DOCK1: variants seen among roughly 807,000 people sequenced by gnomAD.
DOCK1 encodes dedicator of cytokinesis protein 1.
A neutral mutation model predicts 262.7 loss-of-function variants in DOCK1; 138 were observed. That is an observed-to-expected ratio of 0.53 (90% CI 0.46 to 0.61). DOCK1 has a LOEUF of 0.61. Among genes scored for constraint, DOCK1 ranks in the 20% least tolerant of loss-of-function variants. The pLI, the probability that DOCK1 is intolerant of heterozygous loss-of-function variation, is 0.00. For missense variants in DOCK1, 1,908 were observed against 2,370.7 expected (o/e 0.80, Z 4.05); for synonymous variants, 866 against 867.4 (o/e 1.00, Z 0.03).
chr10:127,434,229 A>T (rs1295307602), intron 48 of DOCK1, among the ~76,000 whole-genome samples: 1 of 148,406 alleles, frequency 6.7e-6, no homozygotes, highest in Non-Finnish European at 1.5e-5. Flanking sequence ...GCTGAGGTTT[A>T]TTGCCTTTTA....
At chr10:127,203,138 C>T (rs568434660) in intron 27 of DOCK1, among the ~76,000 whole-genome samples, 15 of 152,324 alleles carry the variant, frequency 9.8e-5, no homozygotes, top group South Asian at 2.1e-4. Flanking sequence ...ACGTTTTCTT[C>T]GTTGAATAAC....
intron 38 of DOCK1, 118 bp from the exon 39 acceptor site, chr10:127,402,937 T>A (rs920636882): frequency 1.0e-6 from 1 of 971,486 alleles, no homozygotes. Flanking sequence ...GTTATTCCCA[T>A]AATGTTTCAT....
At chr10:126,984,974 C>CTTTTTTTTTTTTTTTTTTTTTTTTTT in intron 4 of DOCK1, among the ~76,000 whole-genome samples, 1 of 85,128 alleles carries the variant, frequency 1.2e-5, no homozygotes, top group Non-Finnish European at 2.1e-5. Context: ...ATGTCCCATT[C>CTTTTTTTTTTTTTTTTTTTTTTTTTT]TTTTTTTTTT....
chr10:127,205,570 T>C (rs914875183), intron 27 of DOCK1, among the ~76,000 whole-genome samples: 3 of 152,238 alleles, frequency 2.0e-5, no homozygotes, highest in African/African-American at 7.2e-5. Flanking sequence ...GCAAACACCA[T>C]GTGGCTTTAC....
At chr10:127,122,060 G>C (rs920874091) in intron 25 of DOCK1, among the ~76,000 whole-genome samples, 1 of 152,210 alleles carries the variant, frequency 6.6e-6, no homozygotes, top group Non-Finnish European at 1.5e-5. Context: ...TCAGTGTTCC[G>C]ATAACGGGGC....
chr10:126,974,947 TTAAA>T (rs1192659447), intron 2 of DOCK1, among the ~76,000 whole-genome samples: 2 of 152,030 alleles, frequency 1.3e-5, no homozygotes, highest in Non-Finnish European at 2.9e-5. Flanking sequence ...CCTATGAACA[TTAAA>T]TAAAGACACA....
At chr10:127,284,873 T>C (rs1420344008) in intron 29 of DOCK1, among the ~76,000 whole-genome samples, 1 of 152,198 alleles carries the variant, frequency 6.6e-6, no homozygotes, top group Admixed American at 6.5e-5. Flanking sequence ...TGGCTCACGC[T>C]TGTAATCCCA....
intron 27 of DOCK1, among the ~76,000 whole-genome samples, chr10:127,145,674 C>T (rs989224603): frequency 1.3e-5 from 2 of 152,158 alleles, no homozygotes; most frequent in African/African-American, 4.8e-5. Context: ...ACATGGGTGA[C>T]GTCCCGGGCT....
chr10:127,119,069 A>C (rs1374150928), intron 25 of DOCK1, among the ~76,000 whole-genome samples: 10 of 141,240 alleles, frequency 7.1e-5, no homozygotes, highest in African/African-American at 1.1e-4. Context: ...TTTGAGACGG[A>C]GTCTCGCTCT....
Position 127,152,512 on chromosome 10 carries a change from G to T in DOCK1, c.2847+24748G>T, listed in dbSNP as rs527902060. 4.6e-5 allele frequency among the ~76,000 whole-genome samples: 7 copies of T among 152,330 alleles called. No individual in the cohort carries two copies. In the South Asian group the frequency reaches 1.5e-3, roughly 32 times the overall value. On this transcript the variant is annotated intron_variant, in intron 27 of 51. Coordinates refer to ENST00000623213, the MANE Select transcript of DOCK1 (RefSeq NM_001290223.2). ...CTGCCAGGAGGCCTTACCAGCTTGTGTGTGCCTCTTACAACACTCTAAGGT... is the reference window on the plus strand; with the variant it reads ...CTGCCAGGAGGCCTTACCAGCTTGTTTGTGCCTCTTACAACACTCTAAGGT...
At chr10:127,233,429 A>T (rs2058929068) in intron 27 of DOCK1, among the ~76,000 whole-genome samples, 1 of 152,204 alleles carries the variant, frequency 6.6e-6, no homozygotes, top group Admixed American at 6.5e-5. Flanking sequence ...TATCCCCTTG[A>T]TTATTTTTCT....
rs145111707 is a variant in DOCK1 at position 126,986,732 on chromosome 10, A to G, written c.228-789A>G. The stretch of plus-strand genomic sequence containing the variant: ...CAAGACCAGCCTGGCCAATATGGTG[A>G]AACCTCATCTCTACTAAAAATACAA... On this transcript the variant is annotated intron_variant, in intron 4 of 51. Coordinates refer to ENST00000623213, the MANE Select transcript of DOCK1 (RefSeq NM_001290223.2). Among the ~76,000 whole-genome samples, 1,333 of 152,320 alleles carry G rather than the reference A, an allele frequency of 8.8e-3. 19 individuals are homozygous for G. The highest frequency in any genetic ancestry group is 0.03 in the African/African-American group (1,267 of 41,568).
chr10:127,276,458 C>T (rs941060797), intron 29 of DOCK1, among the ~76,000 whole-genome samples: 1 of 152,136 alleles, frequency 6.6e-6, no homozygotes, highest in Non-Finnish European at 1.5e-5. Flanking sequence ...CCAGAACTAT[C>T]GGCTGTTTGA....
intron 29 of DOCK1, among the ~76,000 whole-genome samples, chr10:127,262,188 GTACCCGTGCTCATC>G (rs2060190776): frequency 7.3e-6 from 1 of 136,524 alleles, no homozygotes; most frequent in Non-Finnish European, 1.6e-5. Flanking sequence ...GTGTGTGTGT[GTACCCGTGCTCATC>G]TGTGTGTGTG....
chr10:127,323,426 A>G (rs1246317914), intron 29 of DOCK1, among the ~76,000 whole-genome samples: 1 of 152,088 alleles, frequency 6.6e-6, no homozygotes, highest in African/African-American at 2.4e-5. Flanking sequence ...CTTTCAGCCA[A>G]TTGTGCTGAG....
Position 127,176,019 on chromosome 10 carries a change from T to C in DOCK1, c.2847+48255T>C. On this transcript the variant is annotated intron_variant, in intron 27 of 51. Transcript: ENST00000623213. The surrounding 1 kb of genome is among the most constrained non-coding windows in gnomAD (Gnocchi z 4.4). ...ATCTGCAGCTGGGAGGCTTTTGAGG[T>C]TCCCCTTTTTGCGGTCCAGAGGGAA... 3 of 1,614,158 alleles carry C rather than the reference T, an allele frequency of 1.9e-6. No individual in the cohort carries two copies. Among genetic ancestry groups the C allele is most frequent in the Non-Finnish European group, 2.5e-6 (3 of 1,180,032 alleles).
At chr10:127,447,305 C>G in intron 50 of DOCK1, 89 bp from the exon 51 acceptor site, 4 of 1,532,196 alleles carry the variant, frequency 2.6e-6, no homozygotes, top group Non-Finnish European at 3.5e-6. Context: ...CTGTGCCTGC[C>G]TCTCTGGGAG....
At chr10:127,422,739 A>G (rs1023306193) in intron 46 of DOCK1, among the ~76,000 whole-genome samples, 2 of 152,186 alleles carry the variant, frequency 1.3e-5, no homozygotes, top group African/African-American at 4.8e-5. Context: ...AAAATTGTGA[A>G]TGATTCCATT....
chr10:127,048,718 A>C (rs1400028746), intron 21 of DOCK1, among the ~76,000 whole-genome samples: 1 of 152,222 alleles, frequency 6.6e-6, no homozygotes, highest in South Asian at 2.1e-4. Flanking sequence ...CAGGTTGGAC[A>C]GCTCAGAAAC....
Sources: allele counts gnomAD v4.1 joint callset (sites outside exome capture counted in the v4.1 genomes callset), GRCh38; gene constraint gnomAD v4.1.1; non-coding constraint Gnocchi (gnomAD v3.1); transcripts MANE v1.5; gene names NCBI Gene and HGNC (gene_info 2026-07-23, HGNC 2026-07-21).